The following KANK1 variants were observed in gnomAD, a reference collection of about 807,000 sequenced individuals.
KANK1 encodes the protein KN motif and ankyrin repeat domains 1.
A neutral mutation model predicts 106.2 loss-of-function variants in KANK1; 109 were observed. The observed-to-expected ratio is 1.03, with a 90% CI of 0.88 to 1.20. KANK1 has a LOEUF of 1.20. Ranked by LOEUF, KANK1 falls within the 50% of genes most tolerant of loss-of-function variation. The pLI is 0.00. For synonymous variants in KANK1, 873 were observed against 652.2 expected (o/e 1.34, Z -5.16); for missense variants, 2,399 against 1,710.7 (o/e 1.40, Z -7.10).
At chr9:661,772 C>G (rs1843372286) in intron 1 of KANK1, among the ~76,000 whole-genome samples, 2 of 152,232 alleles carry the variant, frequency 1.3e-5, no homozygotes, top group East Asian at 3.9e-4. Context: ...TTCTCCACAT[C>G]CTCTTTAGCA....
intron 1 of KANK1, among the ~76,000 whole-genome samples, chr9:536,753 T>C (rs2060322049): frequency 1.3e-5 from 2 of 152,196 alleles, no homozygotes. Flanking sequence ...TTGCCATGAA[T>C]GTAACATAGT....
chr9:559,006 G>T (rs546199775), intron 1 of KANK1: 25 of 152,296 alleles, frequency 1.6e-4, no homozygotes, highest in African/African-American at 5.8e-4. Flanking sequence ...TTATAAATAA[G>T]TTTTAGTAGA....
Position 711,795 on chromosome 9 carries a change from G to A in KANK1, c.1029G>A (p.Gly343=). The change falls in exon 3 of 12, where the codon GGG becomes GGA. Residue 343 remains glycine, a synonymous_variant. Coordinates refer to ENST00000382297, the MANE Select transcript of KANK1 (RefSeq NM_015158.5). ...TCTCCCGGGCCCGAAGAAGTGGCGG[G>A]GAATTATACATTGACTATGAGGAGG... ...EQLSRARRSG[G]ELYIDYEEEE... is the part of the protein sequence containing the mutation. The A allele has an allele frequency of 6.2e-7, 1 of 1,614,132 alleles. No homozygotes were observed. Among genetic ancestry groups the A allele is most frequent in the Non-Finnish European group, 8.5e-7 (1 of 1,180,016 alleles).
chr9:694,380 A>C (rs1475929908), intron 2 of KANK1, among the ~76,000 whole-genome samples: 1 of 152,226 alleles, frequency 6.6e-6, no homozygotes, highest in East Asian at 1.9e-4. Flanking sequence ...CTTTTGAAGA[A>C]AGTTTGGAAA....
chr9:559,937 G>A (rs1216060681), intron 1 of KANK1, among the ~76,000 whole-genome samples: 2 of 152,144 alleles, frequency 1.3e-5, no homozygotes, highest in Non-Finnish European at 2.9e-5. Context: ...TTTTTACCAT[G>A]TATTATAGTT....
At chr9:626,484 C>T (rs1252091792) in intron 1 of KANK1, among the ~76,000 whole-genome samples, 1 of 152,156 alleles carries the variant, frequency 6.6e-6, no homozygotes, top group Non-Finnish European at 1.5e-5. Context: ...ATTCTAGATA[C>T]AAATATTCTG....
chr9:582,735 A>G (rs755693929), intron 1 of KANK1, among the ~76,000 whole-genome samples: 3 of 152,246 alleles, frequency 2.0e-5, no homozygotes, highest in African/African-American at 4.8e-5. Flanking sequence ...AGTAACCAGC[A>G]TATTACAGAG....
chr9:686,696 G>C (rs1025250747), intron 2 of KANK1: 25 of 925,494 alleles, frequency 2.7e-5, no homozygotes, highest in Non-Finnish European at 3.0e-5. Context: ...GGCAGTGTGA[G>C]GGGAAATGGC....
chr9:518,483 G>A (rs144792309), intron 1 of KANK1, among the ~76,000 whole-genome samples: 11 of 151,806 alleles, frequency 7.2e-5, no homozygotes, highest in South Asian at 2.1e-4. Context: ...GATCTGATTC[G>A]ATGTAGGGGA....
chr9:606,853 T>C (rs1829333345), intron 1 of KANK1, among the ~76,000 whole-genome samples: 1 of 151,538 alleles, frequency 6.6e-6, no homozygotes. Context: ...CTTACTACTG[T>C]GGAAATAGCA....
chr9:513,950 G>A lies in KANK1; in HGVS notation c.-84+9196G>A, dbSNP rs1436588751. Among the ~76,000 whole-genome samples the A allele has an allele frequency of 3.3e-5, 5 of 152,256 alleles. 1 individual carries two copies. Among genetic ancestry groups the A allele is most frequent in the African/African-American group, 1.2e-4 (5 of 41,494 alleles). Reference sequence around the variant, plus strand: ...GAGAATTGCTTGAACCCAGGAGGTGGAGGTTGCAGTGAGTCAAAATCACGC... The same window carrying A: ...GAGAATTGCTTGAACCCAGGAGGTGAAGGTTGCAGTGAGTCAAAATCACGC... On this transcript the variant is annotated intron_variant, in intron 1 of 11. Transcript: ENST00000382297.
intron 1 of KANK1, among the ~76,000 whole-genome samples, chr9:533,941 A>G (rs2060179767): frequency 1.3e-5 from 2 of 152,214 alleles, no homozygotes; most frequent in Non-Finnish European, 2.9e-5. Flanking sequence ...GAGATTGACT[A>G]GCTGACACCC....
chr9:739,913 T>A (rs7869715), intron 8 of KANK1, among the ~76,000 whole-genome samples: 1 of 151,806 alleles, frequency 6.6e-6, no homozygotes, highest in Non-Finnish European at 1.5e-5. Flanking sequence ...CTGCTTCTCC[T>A]CCACAGGGCC....
intron 7 of KANK1, chr9:735,734 C>G (rs1373767240): frequency 2.3e-6 from 1 of 442,660 alleles, no homozygotes; most frequent in Non-Finnish European, 4.7e-6. Context: ...TGGCTGACAC[C>G]TATGATCCCA....
At chr9:503,291 C>A (rs1244832184), upstream of KANK1, among the ~76,000 whole-genome samples, 1 of 152,018 alleles carries the variant, frequency 6.6e-6, no homozygotes, top group African/African-American at 2.4e-5. Flanking sequence ...CATCCAAATG[C>A]CCTACTCTAC....
chr9:696,443 AC>A (rs1821325833), intron 2 of KANK1, among the ~76,000 whole-genome samples: 1 of 152,188 alleles, frequency 6.6e-6, no homozygotes, highest in Non-Finnish European at 1.5e-5. Flanking sequence ...TATTCCCAGG[AC>A]AGAGCAGTTG....
intron 8 of KANK1, among the ~76,000 whole-genome samples, chr9:740,125 G>A (rs1199282629): frequency 8.5e-5 from 13 of 152,214 alleles, no homozygotes; most frequent in Non-Finnish European, 1.3e-4. Context: ...AGAAAGTGCC[G>A]AAGGAACTTT....
At chr9:593,224 A>C (rs1666261358) in intron 1 of KANK1, among the ~76,000 whole-genome samples, 1 of 151,876 alleles carries the variant, frequency 6.6e-6, no homozygotes, top group African/African-American at 2.4e-5. Context: ...TTGGTTTGGA[A>C]AATATGGATT....
intron 1 of KANK1, among the ~76,000 whole-genome samples, chr9:562,287 C>G (rs1480691177): frequency 2.0e-5 from 3 of 151,824 alleles, no homozygotes; most frequent in Admixed American, 2.0e-4. Context: ...CTCCTGACCT[C>G]ATGATCCACC....
Sources: gnomAD v4.1 joint callset for allele counts (sites outside exome capture counted in the v4.1 genomes callset) on GRCh38, gnomAD v4.1.1 for gene constraint, MANE v1.5 for transcripts, NCBI Gene and HGNC (gene_info 2026-07-23, HGNC 2026-07-21) for gene names.